AMPD2: variants seen among roughly 807,000 people sequenced by gnomAD.
The protein encoded by AMPD2 is AMP deaminase 2.
In AMPD2, 52 loss-of-function variants were observed where a neutral mutation model predicts 91.3. The observed-to-expected ratio is 0.57, with a 90% CI of 0.46 to 0.72. The LOEUF is 0.72. Ranked by LOEUF, AMPD2 falls within the 30% of genes least tolerant of loss-of-function variation. The pLI is 0.00. For synonymous variants in AMPD2, 455 were observed against 456.4 expected (o/e 1.00, Z 0.04); for missense variants, 822 against 1,122.3 (o/e 0.73, Z 3.82).
chr1:109,625,225 G>A lies in AMPD2; in HGVS notation c.92-78G>A. ...CCGACCCTGGGCTCTCTCGGGAGCT[G>A]GCCTAGGCAGGGCAGGGGCCCAGGG... On this transcript the variant is annotated intron_variant, in intron 2 of 18. Coordinates refer to ENST00000528667, the MANE Select transcript of AMPD2 (RefSeq NM_001368809.2). This position sits in a 1 kb window ranked among gnomAD's most constrained non-coding sequence, Gnocchi z 4.0. 1 of 1,566,388 alleles carries A rather than the reference G, an allele frequency of 6.4e-7. No individual in the cohort carries two copies. The highest frequency in any genetic ancestry group is 1.8e-5 in the Admixed American group (1 of 56,156).
At position 109,628,190 on chromosome 1, in the gene AMPD2, G is replaced by A. The variant is rs1394360704; in HGVS notation, c.1188G>A (p.Gln396=). 1 of 1,614,072 alleles carries A rather than the reference G, an allele frequency of 6.2e-7. No homozygotes were observed. Among genetic ancestry groups the A allele is most frequent in the Non-Finnish European group, 8.5e-7 (1 of 1,180,040 alleles). The part of the protein sequence containing the change: ...RHLEEIVHVE[Q]GREQTLREVF... The stretch of plus-strand genomic sequence containing the variant: ...TGGAGGAGATCGTGCACGTGGAGCA[G>A]GGCCGTGAACAGACGCTGCGGGAGG... Residue 396 remains glutamine (Q), a synonymous_variant, in exon 11 of 19, where the codon CAG becomes CAA. Transcript: ENST00000528667. This position sits in a 1 kb window ranked among gnomAD's most constrained non-coding sequence, Gnocchi z 7.1.
chr1:109,627,911 C>G lies in AMPD2; in HGVS notation c.1080+8C>G. ...TTCTACAACATCCGCAAGGTGGGCC[C>G]TCACCCCGTGGCCGTCTCCATGTCC... On this transcript the variant is annotated splice_region_variant and intron_variant, in intron 10 of 18. Transcript: ENST00000528667. 2 of 1,613,982 alleles carry G rather than the reference C, an allele frequency of 1.2e-6. No individual in the cohort carries two copies. Among genetic ancestry groups the G allele is most frequent in the Non-Finnish European group, 1.7e-6 (2 of 1,179,956 alleles).
chr1:109,622,076 G>A (rs1570576881), intron 2 of AMPD2: 7 of 394,456 alleles, frequency 1.8e-5, no homozygotes, highest in Non-Finnish European at 3.1e-5. Flanking sequence ...GCTAAGGAAA[G>A]ACCCACCCTG....
chr1:109,624,220 G>C lies in AMPD2; in HGVS notation c.92-1083G>C. 2.8e-6 allele frequency: 1 copy of C among 356,404 alleles called. No individual in the cohort carries two copies. Among genetic ancestry groups the C allele is most frequent in the African/African-American group, 2.2e-5 (1 of 45,232 alleles). 22.1% of individuals were successfully genotyped at this position (356,404 alleles called of 1,614,324 possible). A position where few individuals can be genotyped will look rare whatever the true frequency, so the allele number is the denominator to read the frequency against. Reference sequence around the variant, plus strand: ...TGGGAAATGGGCGCAGAGACTTTAAGGCCGGCTACCTAGGCAGATCCTGTA... The same window carrying C: ...TGGGAAATGGGCGCAGAGACTTTAACGCCGGCTACCTAGGCAGATCCTGTA... On this transcript the variant is annotated intron_variant, in intron 2 of 18. Coordinates refer to ENST00000528667, the MANE Select transcript of AMPD2 (RefSeq NM_001368809.2). This position sits in a 1 kb window ranked among gnomAD's most constrained non-coding sequence, Gnocchi z 5.2.
At chr1:109,630,585 G>C (rs1651142662) in intron 17 of AMPD2, 98 bp from the exon 18 acceptor site, 4 of 811,252 alleles carry the variant, frequency 4.9e-6, no homozygotes, top group Non-Finnish European at 7.4e-6. Flanking sequence ...TGGGGGGATG[G>C]GGGGGCGGGG....
At position 109,626,222 on chromosome 1, in the gene AMPD2, A is replaced by C; in HGVS notation, c.416A>C (p.Asp139Ala). The C allele has an allele frequency of 1.2e-6, 2 of 1,614,076 alleles. No individual in the cohort carries two copies. The highest frequency in any genetic ancestry group is 1.7e-6 in the Non-Finnish European group (2 of 1,179,998). ...TTCCTGAAGACGGACAGTGACTCGG[A>C]CCTACAGTGAGGAGGGCAGAGGGGC... The part of the protein sequence containing the change: ...QDFLKTDSDS[D>A]LQLYKEQGEG... Residue 139 changes from aspartate to alanine, a missense_variant, in exon 5 of 19, where the codon GAC becomes GCC. Asp to Ala is a moderately radical substitution (Grantham distance 126). Coordinates refer to ENST00000528667, the MANE Select transcript of AMPD2 (RefSeq NM_001368809.2).
In AMPD2 at chr1:109,627,267, A is replaced by G. The variant is rs1246379614; in HGVS notation, c.811A>G (p.Met271Val). Residue 271 changes from methionine (M) to valine (V), a missense_variant, in exon 8 of 19, where the codon ATG (methionine) becomes GTG (valine). Coordinates refer to ENST00000528667, the MANE Select transcript of AMPD2 (RefSeq NM_001368809.2). ...MPGDLGLGLR[M>V]VRGVVHVYTR... The stretch of plus-strand genomic sequence containing the variant: ...TGGGGACCTGGGCTTGGGTCTGCGC[A>G]TGGTGCGGGGTGTGGTGCACGTCTA... 9.9e-6 allele frequency: 16 copies of G among 1,609,930 alleles called. No homozygotes were observed. The East Asian group carries it at 2.9e-4, about 29-fold the overall frequency.
At position 109,628,485 on chromosome 1, in the gene AMPD2, A is replaced by G; in HGVS notation, c.1397A>G (p.His466Arg). The change falls in exon 12 of 19, where the codon CAC (histidine) becomes CGC (arginine). Residue 466 changes from histidine (H) to arginine (R), a missense_variant. By Grantham distance (29) the His-to-Arg change is conservative. Around this residue, in one of 5 missense-constraint regions of AMPD2, gnomAD observed 430 missense variants for 606.0 expected, o/e 0.71. Coordinates refer to ENST00000528667, the MANE Select transcript of AMPD2 (RefSeq NM_001368809.2). The surrounding 1 kb of genome is among the most constrained non-coding windows in gnomAD (Gnocchi z 7.1). Reference protein sequence around the residue: ...DNRVSGKYFAHIIKEVMSDLE... With the variant: ...DNRVSGKYFARIIKEVMSDLE... ...AGGGTATCTGGGAAGTACTTTGCTC[A>G]CATCATCAAGGTAAGGAGGCAGCCT... The G allele has an allele frequency of 2.5e-6, 4 of 1,612,504 alleles. No individual in the cohort carries two copies. The highest frequency in any genetic ancestry group is 2.5e-6 in the Non-Finnish European group (3 of 1,179,976).
In AMPD2 at chr1:109,628,950, A is replaced by G; in HGVS notation, c.1571+144A>G. The G allele has an allele frequency of 7.0e-7, 1 of 1,432,544 alleles. No individual in the cohort carries two copies. 88.7% of individuals were successfully genotyped at this position (1,432,544 alleles called of 1,614,324 possible). ...AAGGAAGGGCTTCCTGGTCCCATCC[A>G]TGGTCTGTCCAGCCTGGCCCACCTG... On this transcript the variant is annotated intron_variant, in intron 13 of 18. Transcript: ENST00000528667. This position sits in a 1 kb window ranked among gnomAD's most constrained non-coding sequence, Gnocchi z 7.1.
chr1:109,620,388 C>A, intron 1 of AMPD2, 110 bp downstream of exon 1: 2 of 1,504,156 alleles, frequency 1.3e-6, no homozygotes, highest in Admixed American at 1.8e-5. Flanking sequence ...CTAGGGAAGG[C>A]GGTCAGCTCC....
At position 109,626,221 on chromosome 1, in the gene AMPD2, G is replaced by C. The variant is rs200750655; in HGVS notation, c.415G>C (p.Asp139His). Residue 139 changes from aspartate (D) to histidine (H), a missense_variant, in exon 5 of 19, where the codon GAC (aspartate) becomes CAC (histidine). Asp to His is a moderately conservative substitution (Grantham distance 81). Transcript: ENST00000528667. ...QDFLKTDSDS[D>H]LQLYKEQGEG... ...TTTCCTGAAGACGGACAGTGACTCG[G>C]ACCTACAGTGAGGAGGGCAGAGGGG... The C allele has an allele frequency of 3.7e-6, 6 of 1,614,048 alleles. No individual in the cohort carries two copies. Among genetic ancestry groups the C allele is most frequent in the Non-Finnish European group, 5.1e-6 (6 of 1,180,032 alleles).
chr1:109,627,333 G>A lies in AMPD2; in HGVS notation c.860+17G>A. ...CGACGAGCAGTAAGAGGGGTGTGGT[G>A]CATGTTGGGGGGATGCAGCGTGGGA... On this transcript the variant is annotated intron_variant, in intron 8 of 18. Coordinates refer to ENST00000528667, the MANE Select transcript of AMPD2 (RefSeq NM_001368809.2). The A allele has an allele frequency of 6.2e-7, 1 of 1,607,296 alleles. No individual in the cohort carries two copies. Among genetic ancestry groups the A allele is most frequent in the Non-Finnish European group, 8.5e-7 (1 of 1,175,132 alleles).
rs967313871 is a variant in AMPD2 at position 109,627,648 on chromosome 1, G to T, written c.951-126G>T. On this transcript the variant is annotated intron_variant, in intron 9 of 18. Coordinates refer to ENST00000528667, the MANE Select transcript of AMPD2 (RefSeq NM_001368809.2). ...TTGCTGAGCCCTCGACTTCCCCGCA[G>T]TCTACTTCCCTCTTGGCAGCCTCCA... The T allele has an allele frequency of 1.8e-5, 27 of 1,522,324 alleles. No homozygotes were observed. In the Admixed American group the frequency reaches 4.7e-4, roughly 26 times the overall value. The allele number at this position is 1,522,324 out of a possible 1,614,324, so 94.3% of individuals were successfully genotyped here.
intron 15 of AMPD2, 55 bp downstream of exon 15, chr1:109,629,545 C>T: frequency 1.3e-6 from 2 of 1,593,426 alleles, no homozygotes; most frequent in Non-Finnish European, 1.7e-6. Context: ...CAACAAACCT[C>T]ACTCTTGGCA....
Position 109,631,224 on chromosome 1 carries a change from G to A in AMPD2, c.*72G>A. 7.1e-7 allele frequency: 1 copy of A among 1,401,570 alleles called. No individual in the cohort carries two copies. Among genetic ancestry groups the A allele is most frequent in the Non-Finnish European group, 9.9e-7 (1 of 1,012,176 alleles). 86.8% of individuals were successfully genotyped at this position (1,401,570 alleles called of 1,614,324 possible). A position where few individuals can be genotyped will look rare whatever the true frequency, so the allele number is the denominator to read the frequency against. Reference sequence around the variant, plus strand: ...TTTGTCCTCAGACCCCGCCCATGCTGTGTGGTCTCTGCATGTCTCCATTCT... The same window carrying A: ...TTTGTCCTCAGACCCCGCCCATGCTATGTGGTCTCTGCATGTCTCCATTCT... On this transcript the variant is annotated 3_prime_UTR_variant, in exon 19 of 19. Transcript: ENST00000528667.
Position 109,628,210 on chromosome 1 carries a change from G to A in AMPD2, c.1208G>A (p.Arg403Gln), listed in dbSNP as rs754312171. 3.7e-6 allele frequency: 6 copies of A among 1,614,026 alleles called. No homozygotes were observed. Among genetic ancestry groups the A allele is most frequent in the Admixed American group, 1.7e-5 (1 of 60,030 alleles). Reference sequence around the variant, plus strand: ...GAGCAGGGCCGTGAACAGACGCTGCGGGAGGTCTTTGAGAGCATGAATCTC... The same window carrying A: ...GAGCAGGGCCGTGAACAGACGCTGCAGGAGGTCTTTGAGAGCATGAATCTC... ...HVEQGREQTLREVFESMNLTA... is the reference protein window; with the variant it reads ...HVEQGREQTLQEVFESMNLTA... The change falls in exon 11 of 19, where the codon CGG (arginine) becomes CAG (glutamine). Residue 403 changes from arginine (R) to glutamine (Q), a missense_variant. Around this residue, in one of 5 missense-constraint regions of AMPD2, gnomAD observed 430 missense variants for 606.0 expected, o/e 0.71. Coordinates refer to ENST00000528667, the MANE Select transcript of AMPD2 (RefSeq NM_001368809.2). The surrounding 1 kb of genome is among the most constrained non-coding windows in gnomAD (Gnocchi z 7.1).
rs141742198 is a variant in AMPD2 at position 109,627,273 on chromosome 1, C to T, written c.817C>T (p.Arg273Trp). The stretch of plus-strand genomic sequence containing the variant: ...CCTGGGCTTGGGTCTGCGCATGGTG[C>T]GGGGTGTGGTGCACGTCTACACCCG... ...GDLGLGLRMV[R>W]GVVHVYTRRE... The change falls in exon 8 of 19, where the codon CGG (arginine) becomes TGG (tryptophan). Residue 273 changes from arginine (R) to tryptophan (W), a missense_variant. Physicochemically the swap from Arg to Trp is moderately radical, Grantham distance 101 (BLOSUM62 -3). Around this residue, in one of 5 missense-constraint regions of AMPD2, gnomAD observed 240 missense variants for 270.3 expected, o/e 0.89. Coordinates refer to ENST00000528667, the MANE Select transcript of AMPD2 (RefSeq NM_001368809.2). 2.2e-5 allele frequency: 35 copies of T among 1,607,870 alleles called. No homozygotes were observed. Among genetic ancestry groups the T allele is most frequent in the African/African-American group, 1.5e-4 (11 of 74,808 alleles).
In AMPD2 at chr1:109,624,110, G is replaced by T; in HGVS notation, c.92-1193G>T. The T allele has an allele frequency of 2.0e-6, 2 of 979,928 alleles. No individual in the cohort carries two copies. Among genetic ancestry groups the T allele is most frequent in the Non-Finnish European group, 2.4e-6 (2 of 824,878 alleles). 60.7% of individuals were successfully genotyped at this position (979,928 alleles called of 1,614,324 possible). On this transcript the variant is annotated intron_variant, in intron 2 of 18. Coordinates refer to ENST00000528667, the MANE Select transcript of AMPD2 (RefSeq NM_001368809.2). This position sits in a 1 kb window ranked among gnomAD's most constrained non-coding sequence, Gnocchi z 5.2. ...TGCAGGTAGGGTTCAGGCAGGGGCC[G>T]GGGTGCGCAGGGGACGGGGTCCTGG...
Position 109,631,266 on chromosome 1 carries a change from G to C in AMPD2, c.*114G>C. ...CTCCATTCTTCTCTGTCTCTGTCTT[G>C]CATGTCTCCTACCATGTCACTGTCC... On this transcript the variant is annotated 3_prime_UTR_variant, in exon 19 of 19. Coordinates refer to ENST00000528667, the MANE Select transcript of AMPD2 (RefSeq NM_001368809.2). The C allele has an allele frequency of 9.3e-7, 1 of 1,070,284 alleles. No homozygotes were observed. Among genetic ancestry groups the C allele is most frequent in the Non-Finnish European group, 1.4e-6 (1 of 722,652 alleles). The allele number at this position is 1,070,284 out of a possible 1,614,324, so 66.3% of individuals were successfully genotyped here. A position where few individuals can be genotyped will look rare whatever the true frequency, so the allele number is the denominator to read the frequency against.
Sources: allele counts gnomAD v4.1 joint callset, GRCh38; gene constraint gnomAD v4.1.1; regional missense constraint gnomAD v4.1.1; non-coding constraint Gnocchi (gnomAD v3.1); transcripts MANE v1.5; gene names NCBI Gene and HGNC (gene_info 2026-07-23, HGNC 2026-07-21).